BBS9: variants seen among roughly 807,000 people sequenced by gnomAD.
BBS9 encodes Bardet-Biedl syndrome 9.
A neutral mutation model predicts 117.7 loss-of-function variants in BBS9; 89 were observed. The observed-to-expected ratio is 0.76, with a 90% confidence interval of 0.64 to 0.90. The LOEUF is 0.90. BBS9 is among the 40% of genes least tolerant of loss of function. BBS9 has a pLI of 0.00. For synonymous variants in BBS9, 379 were observed against 370.9 expected (o/e 1.02, Z -0.25); for missense variants, 982 against 1,042.2 (o/e 0.94, Z 0.80).
At chr7:33,515,398 T>C (rs775308344) in intron 20 of BBS9, among the ~76,000 whole-genome samples, 5 of 151,868 alleles carry the variant, frequency 3.3e-5, no homozygotes, top group East Asian at 1.9e-4. Context: ...CCCTCCCGTG[T>C]ACTATAACGA....
intron 19 of BBS9, chr7:33,390,342 C>A: frequency 1.0e-6 from 1 of 985,102 alleles, no homozygotes; most frequent in East Asian, 1.1e-4. Flanking sequence ...ATTTAAAGTG[C>A]AGAGGTTTTT....
intron 21 of BBS9, among the ~76,000 whole-genome samples, chr7:33,565,781 G>GTATATATATATATA (rs70989957): frequency 4.6e-5 from 3 of 65,690 alleles, no homozygotes; most frequent in Non-Finnish European, 6.3e-5. Flanking sequence ...GCTATCAGTA[G>GTATATATATATATA]TATATATATA....
chr7:33,390,721 G>A (rs573174474), intron 19 of BBS9: 6 of 585,290 alleles, frequency 1.0e-5, no homozygotes, highest in South Asian at 7.6e-5. Context: ...AACATTATAC[G>A]TAATGCTAAA....
At chr7:33,445,770 G>A (rs532704374) in intron 19 of BBS9, among the ~76,000 whole-genome samples, 17 of 152,218 alleles carry the variant, frequency 1.1e-4, no homozygotes, top group South Asian at 4.1e-4. Context: ...TGCTGTTCTC[G>A]TGATAGTAAG....
At chr7:33,538,778 A>G (rs934853687) in intron 21 of BBS9, among the ~76,000 whole-genome samples, 1 of 151,650 alleles carries the variant, frequency 6.6e-6, no homozygotes, top group African/African-American at 2.4e-5. Flanking sequence ...GACATTAAAA[A>G]AAAAAAAGGG....
At chr7:33,412,159 G>A (rs1015683134) in intron 19 of BBS9, among the ~76,000 whole-genome samples, 1 of 152,016 alleles carries the variant, frequency 6.6e-6, no homozygotes, top group Non-Finnish European at 1.5e-5. Context: ...CATTTTGTTA[G>A]AAAAAAATTC....
intron 19 of BBS9, among the ~76,000 whole-genome samples, chr7:33,412,362 G>T (rs1243003229): frequency 6.6e-6 from 1 of 152,186 alleles, no homozygotes; most frequent in African/African-American, 2.4e-5. Context: ...CATTCTAGGT[G>T]CTCAGTACAC....
At chr7:33,547,363 A>G (rs544432920) in intron 21 of BBS9, among the ~76,000 whole-genome samples, 1 of 152,324 alleles carries the variant, frequency 6.6e-6, no homozygotes, top group Admixed American at 6.5e-5. Context: ...AGACGTTTGA[A>G]GTTCAGGTGG....
At chr7:33,481,532 A>G (rs1216375050) in intron 19 of BBS9, among the ~76,000 whole-genome samples, 2 of 152,214 alleles carry the variant, frequency 1.3e-5, no homozygotes, top group African/African-American at 2.4e-5. Flanking sequence ...ACAAATTTAC[A>G]TAAATATGCT....
chr7:33,583,829 T>C (rs2129165893), intron 21 of BBS9, among the ~76,000 whole-genome samples: 1 of 152,274 alleles, frequency 6.6e-6, no homozygotes, highest in Non-Finnish European at 1.5e-5. Flanking sequence ...AACCCCTCTG[T>C]GCCTCAGTTT....
intron 5 of BBS9, among the ~76,000 whole-genome samples, chr7:33,227,297 G>T (rs559422517): frequency 5.1e-4 from 77 of 151,762 alleles, no homozygotes; most frequent in African/African-American, 1.9e-3. Context: ...ACAGGCACAC[G>T]CCACCATGCC....
intron 5 of BBS9, among the ~76,000 whole-genome samples, chr7:33,208,897 C>G (rs10262228): frequency 1.3e-5 from 2 of 151,806 alleles, no homozygotes; most frequent in African/African-American, 2.4e-5. Context: ...TGCATAATCA[C>G]ATCAGGGTAA....
intron 19 of BBS9, among the ~76,000 whole-genome samples, chr7:33,475,169 C>T (rs1011927660): frequency 3.9e-5 from 6 of 152,154 alleles, no homozygotes; most frequent in Admixed American, 6.5e-5. Context: ...TCTATCTGGT[C>T]TCTGTTGCAA....
chr7:33,470,678 C>G (rs1165313526), intron 19 of BBS9, among the ~76,000 whole-genome samples: 1 of 152,180 alleles, frequency 6.6e-6, no homozygotes, highest in Non-Finnish European at 1.5e-5. Context: ...AGTGCCTGCT[C>G]ACCGTGGGTT....
chr7:33,469,100 A>G (rs1444182729), intron 19 of BBS9, among the ~76,000 whole-genome samples: 3 of 152,054 alleles, frequency 2.0e-5, no homozygotes, highest in Non-Finnish European at 1.5e-5. Context: ...TTGACTGTGC[A>G]TTGGTAAGTA....
intron 5 of BBS9, among the ~76,000 whole-genome samples, chr7:33,216,686 G>A (rs1440193078): frequency 1.3e-5 from 2 of 152,184 alleles, no homozygotes; most frequent in Admixed American, 1.3e-4. Context: ...CTTATTTGAT[G>A]CTGTAAATAC....
chr7:33,405,988 A>G (rs1482171695), intron 19 of BBS9, among the ~76,000 whole-genome samples: 1 of 152,100 alleles, frequency 6.6e-6, no homozygotes, highest in Non-Finnish European at 1.5e-5. Context: ...ATTTAGTGCT[A>G]TAAATTTCCC....
chr7:33,338,912 C>T (rs1235202642), intron 10 of BBS9, among the ~76,000 whole-genome samples: 1 of 152,152 alleles, frequency 6.6e-6, no homozygotes, highest in Non-Finnish European at 1.5e-5. Flanking sequence ...ACAGCTGTGT[C>T]TTCAGAAAGG....
intron 1 of BBS9, among the ~76,000 whole-genome samples, chr7:33,138,636 G>GAT (rs987751484): frequency 2.6e-5 from 4 of 150,964 alleles, no homozygotes; most frequent in Admixed American, 2.0e-4. Context: ...AAACAATAAT[G>GAT]ATATATATAT....
Sources: gnomAD v4.1 joint callset for allele counts (sites outside exome capture counted in the v4.1 genomes callset) on GRCh38, gnomAD v4.1.1 for gene constraint, MANE v1.5 for transcripts, NCBI Gene and HGNC (gene_info 2026-07-23, HGNC 2026-07-21) for gene names.